Variants in ACVR1B observed in about 807,000 individuals in gnomAD.
ACVR1B encodes the protein activin receptor type-1B.
ACVR1B carries 15 observed loss-of-function variants against 55.6 expected under a neutral mutation model. The ratio of observed to expected loss-of-function variants is 0.27; its 90% CI spans 0.18 to 0.42. The LOEUF (loss-of-function observed/expected upper bound fraction) is 0.42, where lower values mean the gene tolerates loss of function less well. Ranked by LOEUF, ACVR1B falls within the 10% of genes least tolerant of loss-of-function variation. The pLI is 1.00. For synonymous variants in ACVR1B, 247 were observed against 254.6 expected, an observed-to-expected ratio of 0.97 and a Z score of 0.28; for missense variants, 359 against 670.1, an observed-to-expected ratio of 0.54 and a Z score of 5.13.
At position 51,995,664 on chromosome 12, in the gene ACVR1B, A is replaced by T. The variant is rs977671174; in HGVS notation, c.*1554A>T. On this transcript the variant is annotated 3_prime_UTR_variant, in exon 9 of 9. Transcript: ENST00000257963. ...AAACCATCTCTGTGATTACCTCTCA[A>T]TCTATTTGTTTTTAAAGAAATCCCT... 1 of 150,242 alleles carries T rather than the reference A, an allele frequency of 6.7e-6. No homozygotes were observed. Among genetic ancestry groups the T allele is most frequent in the Non-Finnish European group, 1.5e-5 (1 of 67,824 alleles). The allele number at this position is 150,242 out of a possible 1,614,324, so 9.3% of individuals were successfully genotyped here.
intron 1 of ACVR1B, among the ~76,000 whole-genome samples, chr12:51,959,548 G>A (rs1187932378): frequency 2.0e-5 from 3 of 152,176 alleles, no homozygotes; most frequent in Non-Finnish European, 4.4e-5. Flanking sequence ...TGGCACTGTC[G>A]GTGCTGTGCC....
chr12:51,957,808 C>T (rs1246374104), intron 1 of ACVR1B, among the ~76,000 whole-genome samples: 2 of 152,214 alleles, frequency 1.3e-5, no homozygotes, highest in Non-Finnish European at 2.9e-5. Flanking sequence ...CTAAGCTTCT[C>T]TAACATGTAT....
intron 1 of ACVR1B, among the ~76,000 whole-genome samples, chr12:51,960,875 CCTTAG>C (rs1941508120): frequency 6.6e-6 from 1 of 152,226 alleles, no homozygotes; most frequent in Admixed American, 6.5e-5. Flanking sequence ...ACTCTAGACC[CCTTAG>C]CTTAGCATTG....
intron 2 of ACVR1B, 141 bp downstream of exon 2, chr12:51,975,645 G>C (rs547462791): frequency 8.2e-7 from 1 of 1,220,864 alleles, no homozygotes; most frequent in South Asian, 1.6e-5. Flanking sequence ...ACAAAGGCTG[G>C]GGTTTCTCAG....
chr12:51,991,742 C>A, intron 7 of ACVR1B, 121 bp from the exon 8 acceptor site: 1 of 1,107,418 alleles, frequency 9.0e-7, no homozygotes. Context: ...AATTAACTAA[C>A]TTTCTAAGGA....
At chr12:51,992,587 C>T (rs1420123755) in intron 8 of ACVR1B, among the ~76,000 whole-genome samples, 3 of 152,200 alleles carry the variant, frequency 2.0e-5, no homozygotes, top group Admixed American at 6.5e-5. Flanking sequence ...AGCTGTTAGA[C>T]ACCAAACTAG....
intron 1 of ACVR1B, among the ~76,000 whole-genome samples, chr12:51,957,840 T>C (rs1941443682): frequency 6.6e-6 from 1 of 152,270 alleles, no homozygotes. Context: ...GGCATATCAC[T>C]ATCTTCTTGC....
intron 1 of ACVR1B, among the ~76,000 whole-genome samples, chr12:51,954,320 T>TTA (rs1480377174): frequency 1.3e-5 from 2 of 152,270 alleles, no homozygotes; most frequent in African/African-American, 4.8e-5. Flanking sequence ...TGTACATGTT[T>TTA]TAAGGCCTGG....
chr12:51,980,564 C>G (rs1247502843), intron 3 of ACVR1B, among the ~76,000 whole-genome samples: 3 of 152,168 alleles, frequency 2.0e-5, no homozygotes, highest in African/African-American at 7.2e-5. Flanking sequence ...GCACATGAGC[C>G]CACACTTTCA....
chr12:51,960,021 A>T (rs929412707), intron 1 of ACVR1B: 3 of 152,014 alleles, frequency 2.0e-5, no homozygotes, highest in Non-Finnish European at 4.4e-5. Context: ...ATAAGATTGA[A>T]TTGTAATCAG....
chr12:51,951,713 TGCGGCGGCG>T lies in ACVR1B; in HGVS notation c.-17_-9del, dbSNP rs10540557. ...GCGCGCGCGCTGGGCGCTGCTGGGC[TGCGGCGGCG>T]GCGGCGGCGGCGGTGGTTACTATGG... On this transcript the variant is annotated 5_prime_UTR_variant, in exon 1 of 9. Coordinates refer to ENST00000257963, the MANE Select transcript of ACVR1B (RefSeq NM_004302.5). The T allele has an allele frequency of 3.6e-6, 4 of 1,116,372 alleles. No homozygotes were observed. Among genetic ancestry groups the T allele is most frequent in the Non-Finnish European group, 4.5e-6 (4 of 893,414 alleles). The allele number at this position is 1,116,372 out of a possible 1,614,324, so 69.2% of individuals were successfully genotyped here.
intron 1 of ACVR1B, among the ~76,000 whole-genome samples, chr12:51,952,991 A>T (rs56966197): frequency 0.016 from 2,362 of 152,184 alleles, 62 homozygotes; most frequent in African/African-American, 0.053. Flanking sequence ...AAAATATTTC[A>T]TTTAAGAGAG....
intron 1 of ACVR1B, among the ~76,000 whole-genome samples, chr12:51,962,697 A>G (rs1250234403): frequency 3.3e-5 from 5 of 152,198 alleles, no homozygotes; most frequent in African/African-American, 1.2e-4. Context: ...AACCTGATTC[A>G]GATTTTCATA....
chr12:51,987,959 A>T (rs1942113975), intron 7 of ACVR1B, among the ~76,000 whole-genome samples: 1 of 152,238 alleles, frequency 6.6e-6, no homozygotes, highest in African/African-American at 2.4e-5. Flanking sequence ...GTACCCCATA[A>T]GTATATACAT....
intron 1 of ACVR1B, among the ~76,000 whole-genome samples, chr12:51,953,837 C>T (rs935624296): frequency 6.6e-6 from 1 of 152,062 alleles, no homozygotes; most frequent in South Asian, 2.1e-4. Flanking sequence ...TTGTAACCTT[C>T]CTAAAATGGA....
chr12:51,977,897 A>G (rs932125269), intron 3 of ACVR1B, among the ~76,000 whole-genome samples: 2 of 151,086 alleles, frequency 1.3e-5, no homozygotes, highest in African/African-American at 4.9e-5. Context: ...CACAAAGATC[A>G]CTGTTGCCAT....
intron 1 of ACVR1B, among the ~76,000 whole-genome samples, chr12:51,959,297 A>C (rs1318067022): frequency 6.6e-6 from 1 of 152,204 alleles, no homozygotes; most frequent in African/African-American, 2.4e-5. Flanking sequence ...CTGATTGCAC[A>C]AGAGGAAATC....
In ACVR1B at chr12:51,994,231, C is replaced by G; in HGVS notation, c.*121C>G. On this transcript the variant is annotated 3_prime_UTR_variant, in exon 9 of 9. Coordinates refer to ENST00000257963, the MANE Select transcript of ACVR1B (RefSeq NM_004302.5). The surrounding 1 kb of genome is among the most constrained non-coding windows in gnomAD (Gnocchi z 4.2). ...AGCCCTCTGTGGCCAGGAGCCCTGG[C>G]CCGCAAGAGGGACAGAGCCCGGGAG... The G allele has an allele frequency of 1.4e-6, 2 of 1,437,152 alleles. No homozygotes were observed. The highest frequency in any genetic ancestry group is 1.4e-5 in the African/African-American group (1 of 70,658). 89.0% of individuals were successfully genotyped at this position (1,437,152 alleles called of 1,614,324 possible).
chr12:51,985,837 G>A (rs1261014715), intron 6 of ACVR1B, among the ~76,000 whole-genome samples: 1 of 152,180 alleles, frequency 6.6e-6, no homozygotes, highest in Non-Finnish European at 1.5e-5. Context: ...CAGAAGTGAG[G>A]TAAGAAGTAA....
Sources: allele counts gnomAD v4.1 joint callset (sites outside exome capture counted in the v4.1 genomes callset), GRCh38; gene constraint gnomAD v4.1.1; non-coding constraint Gnocchi (gnomAD v3.1); transcripts MANE v1.5; gene names NCBI Gene and HGNC (gene_info 2026-07-23, HGNC 2026-07-21).